CDR2: variants seen among roughly 807,000 people sequenced by gnomAD.
CDR2 encodes the protein cerebellar degeneration-related protein 2.
Under a neutral mutation model 48.4 loss-of-function variants are expected in CDR2, and 34 were observed. That is an observed-to-expected ratio of 0.70 (90% CI 0.53 to 0.94). CDR2 has a LOEUF of 0.94. Ranked by LOEUF, CDR2 falls within the 40% of genes least tolerant of loss-of-function variation. The pLI, the probability that CDR2 is intolerant of heterozygous loss-of-function variation, is 0.00. For missense variants in CDR2, 498 were observed against 549.5 expected (o/e 0.91, Z 0.94); for synonymous variants, 240 against 219.7 (o/e 1.09, Z -0.82).
intron 1 of CDR2, among the ~76,000 whole-genome samples, chr16:22,373,931 T>C (rs1320189973): frequency 1.3e-5 from 2 of 152,222 alleles, no homozygotes; most frequent in Non-Finnish European, 2.9e-5. Context: ...CTCGGAGGAA[T>C]GCAGTGAGGA....
chr16:22,349,148 G>C (rs1052750697), intron 4 of CDR2, 131 bp downstream of exon 4: 1 of 902,702 alleles, frequency 1.1e-6, no homozygotes, highest in Non-Finnish European at 1.7e-6. Flanking sequence ...AAGTGATTTT[G>C]TTCAAACCAA....
chr16:22,364,734 G>C (rs915769677), intron 2 of CDR2, among the ~76,000 whole-genome samples, 168 bp downstream of exon 2: 2 of 152,022 alleles, frequency 1.3e-5, no homozygotes, highest in East Asian at 1.9e-4. Context: ...GTGGTGGCAG[G>C]CGCCTGTAAT....
intron 2 of CDR2, among the ~76,000 whole-genome samples, chr16:22,359,464 G>A (rs569203591): frequency 4.6e-5 from 7 of 152,182 alleles, no homozygotes; most frequent in Non-Finnish European, 7.4e-5. Context: ...ACTATGCAAC[G>A]ATTTATACCG....
chr16:22,374,099 C>T (rs2049099549), intron 1 of CDR2, 132 bp downstream of exon 1: 4 of 566,242 alleles, frequency 7.1e-6, no homozygotes, highest in Non-Finnish European at 1.2e-5. Context: ...GCCGGCCCAG[C>T]CGCCAGGTGA....
At chr16:22,350,748 A>G (rs1165668251) in intron 2 of CDR2, among the ~76,000 whole-genome samples, 1 of 152,234 alleles carries the variant, frequency 6.6e-6, no homozygotes, top group Non-Finnish European at 1.5e-5. Flanking sequence ...TATACCATGC[A>G]TAAAATTAAT....
At position 22,346,199 on chromosome 16, in the gene CDR2, T is replaced by G. The variant is rs2048903027; in HGVS notation, c.*766A>C. ...GTAGGAAGGGAAGGGGTTTGATCTTTCCCCTTTAGTTTGAATTTGAGAAAG... is the reference window on the plus strand; with the variant it reads ...GTAGGAAGGGAAGGGGTTTGATCTTGCCCCTTTAGTTTGAATTTGAGAAAG... On this transcript the variant is annotated 3_prime_UTR_variant, in exon 5 of 5. Coordinates refer to ENST00000268383, the MANE Select transcript of CDR2 (RefSeq NM_001802.2). 1 of 152,408 alleles carries G rather than the reference T, an allele frequency of 6.6e-6. No homozygotes were observed. Among genetic ancestry groups the G allele is most frequent in the Non-Finnish European group, 1.5e-5 (1 of 68,038 alleles). The allele number at this position is 152,408 out of a possible 1,614,324, so 9.4% of individuals were successfully genotyped here.
In CDR2 at chr16:22,346,799, T is replaced by C. The variant is rs2048907800; in HGVS notation, c.*166A>G. ...AAATGGAAGTGGATCAGAGAACTGA[T>C]ACCACTAGCCACCTCCTTTCCTCGT... On this transcript the variant is annotated 3_prime_UTR_variant, in exon 5 of 5. Transcript: ENST00000268383. 1 of 754,218 alleles carries C rather than the reference T, an allele frequency of 1.3e-6. No individual in the cohort carries two copies. 46.7% of individuals were successfully genotyped at this position (754,218 alleles called of 1,614,324 possible). A position where few individuals can be genotyped will look rare whatever the true frequency, so the allele number is the denominator to read the frequency against.
Position 22,349,298 on chromosome 16 carries a change from C to A in CDR2, c.487G>T (p.Glu163Ter). 1 of 1,614,158 alleles carries A rather than the reference C, an allele frequency of 6.2e-7. No individual in the cohort carries two copies. The highest frequency in any genetic ancestry group is 2.2e-5 in the East Asian group (1 of 44,888). The change falls in exon 4 of 5, where the codon GAG becomes TAG. Residue 163 changes from glutamate (E) to a stop codon, truncating the protein, a stop_gained. Transcript: ENST00000268383. LOFTEE classifies it high-confidence loss of function. ...TCTTACTGGCGGAGGTCATACAGCT[C>A]CTTCAGACATGCAAAGCTGGGTGCC... The part of the protein sequence containing the change: ...KPAPSFACLK[E>*]LYDLRQHFVY...
chr16:22,355,729 C>T (rs1336549418), intron 2 of CDR2, among the ~76,000 whole-genome samples: 1 of 152,188 alleles, frequency 6.6e-6, no homozygotes, highest in African/African-American at 2.4e-5. Flanking sequence ...AGGGACTTCC[C>T]TCTGCTTTAA....
At chr16:22,358,141 A>T (rs2048987869) in intron 2 of CDR2, among the ~76,000 whole-genome samples, 1 of 151,830 alleles carries the variant, frequency 6.6e-6, no homozygotes, top group Non-Finnish European at 1.5e-5. Flanking sequence ...TCAGTGCTTC[A>T]TTTTTTTTCT....
chr16:22,364,869 T>C (rs374256461), intron 2 of CDR2, 33 bp downstream of exon 2: 24 of 1,279,084 alleles, frequency 1.9e-5, no homozygotes, highest in Non-Finnish European at 2.6e-5. Flanking sequence ...CATCGAAGTG[T>C]CAAAAGTGTA....
At chr16:22,361,897 C>CTTTTTTT (rs11303236) in intron 2 of CDR2, among the ~76,000 whole-genome samples, 2 of 68,162 alleles carry the variant, frequency 2.9e-5, no homozygotes, top group African/African-American at 5.7e-5. Context: ...GAATTTTATA[C>CTTTTTTT]TTTTTTTTTT....
chr16:22,360,739 C>CTTTTTT (rs201976962), intron 2 of CDR2, among the ~76,000 whole-genome samples: 22 of 74,142 alleles, frequency 3.0e-4, no homozygotes, highest in South Asian at 3.8e-4. Flanking sequence ...AAAAAATGAT[C>CTTTTTT]TTTTTTTTTT....
Position 22,369,870 on chromosome 16 carries a change from C to T in CDR2, c.79+4361G>A, listed in dbSNP as rs577576408. On this transcript the variant is annotated intron_variant, in intron 1 of 4. Transcript: ENST00000268383. The stretch of plus-strand genomic sequence containing the variant: ...AAAAGAAAAGGAAATAATATAGTTT[C>T]GAAGCCTTATACACCTGTTCATCTC... Among the ~76,000 whole-genome samples the T allele has an allele frequency of 2.6e-5, 4 of 152,224 alleles. No individual in the cohort carries two copies. The South Asian group carries it at 8.3e-4, about 32-fold the overall frequency.
At chr16:22,369,754 CA>C (rs1179556327) in intron 1 of CDR2, among the ~76,000 whole-genome samples, 2 of 151,040 alleles carry the variant, frequency 1.3e-5, no homozygotes, top group African/African-American at 2.4e-5. Context: ...CAAAAGAGGC[CA>C]AAAGCTGGCA....
chr16:22,351,716 C>T (rs1399165480), intron 2 of CDR2, among the ~76,000 whole-genome samples: 1 of 152,178 alleles, frequency 6.6e-6, no homozygotes, highest in Non-Finnish European at 1.5e-5. Context: ...TATTCTGGTC[C>T]TGCTAAGACT....
intron 1 of CDR2, among the ~76,000 whole-genome samples, chr16:22,373,750 G>A (rs1399193849): frequency 1.3e-5 from 2 of 152,236 alleles, no homozygotes; most frequent in Non-Finnish European, 2.9e-5. Context: ...ACTGTCTCCT[G>A]GAGTTACGGT....
At chr16:22,373,669 C>A (rs1339137050) in intron 1 of CDR2, among the ~76,000 whole-genome samples, 1 of 152,244 alleles carries the variant, frequency 6.6e-6, no homozygotes, top group Non-Finnish European at 1.5e-5. Context: ...GTGCCTGTAT[C>A]CAAACATCTC....
rs560906989 is a variant in CDR2, at chr16:22,362,274, T to C, written c.192+2628A>G. 1.9e-3 allele frequency among the ~76,000 whole-genome samples: 283 copies of C among 152,340 alleles called. 1 individual carries two copies. Among genetic ancestry groups the C allele is most frequent in the Middle Eastern group, 0.01 (3 of 294 alleles). On this transcript the variant is annotated intron_variant, in intron 2 of 4. Coordinates refer to ENST00000268383, the MANE Select transcript of CDR2 (RefSeq NM_001802.2). ...TTCCATGACGCTTTGCAATATCTTA[T>C]GGATAATATTAGATAATAAAGTGTT...
Sources: gnomAD v4.1 joint callset for allele counts (sites outside exome capture counted in the v4.1 genomes callset) on GRCh38, gnomAD v4.1.1 for gene constraint, MANE v1.5 for transcripts, NCBI Gene and HGNC (gene_info 2026-07-23, HGNC 2026-07-21) for gene names.